PCCA: variants seen among roughly 807,000 people sequenced by gnomAD.
PCCA encodes the protein propionyl-CoA carboxylase subunit alpha.
Under a neutral mutation model 101.3 loss-of-function variants are expected in PCCA, and 74 were observed. The observed-to-expected ratio is 0.73, with a 90% CI of 0.61 to 0.89. The LOEUF (loss-of-function observed/expected upper bound fraction) is 0.89, where lower values mean the gene tolerates loss of function less well. Among genes scored for constraint, PCCA ranks in the 40% least tolerant of loss-of-function variants. The pLI, the probability that PCCA is intolerant of heterozygous loss-of-function variation, is 0.00. For missense variants in PCCA, 891 were observed against 907.0 expected, an observed-to-expected ratio of 0.98 and a Z score of 0.23; for synonymous variants, 294 against 313.6, an observed-to-expected ratio of 0.94 and a Z score of 0.66.
At position 100,089,308 on chromosome 13, in the gene PCCA, C is replaced by A. The variant is rs1005605209; in HGVS notation, c.105+83C>A. On this transcript the variant is annotated intron_variant, in intron 1 of 23. Transcript: ENST00000376285. Reference sequence around the variant, plus strand: ...CTCTGGGCGGCTGGCGCCGGGAGAGCGCTGGCTGGGTCCGGCTGCCCCCGC... The same window carrying A: ...CTCTGGGCGGCTGGCGCCGGGAGAGAGCTGGCTGGGTCCGGCTGCCCCCGC... 3.0e-6 allele frequency: 4 copies of A among 1,332,706 alleles called. No homozygotes were observed. The African/African-American group carries it at 4.6e-5, about 15-fold the overall frequency. 82.6% of individuals were successfully genotyped at this position (1,332,706 alleles called of 1,614,324 possible).
At chr13:100,127,017 G>A (rs1414184519) in intron 4 of PCCA, among the ~76,000 whole-genome samples, 1 of 152,162 alleles carries the variant, frequency 6.6e-6, no homozygotes, top group Non-Finnish European at 1.5e-5. Context: ...TGTGAGCTCA[G>A]CAGGTTAAAT....
At chr13:100,194,429 T>A (rs2057957152) in intron 6 of PCCA, among the ~76,000 whole-genome samples, 1 of 152,162 alleles carries the variant, frequency 6.6e-6, no homozygotes, top group Non-Finnish European at 1.5e-5. Context: ...TTATTATTAT[T>A]ATTTTTGAGA....
chr13:100,243,797 G>T lies in PCCA; in HGVS notation c.637+7919G>T, dbSNP rs2061289321. On this transcript the variant is annotated intron_variant, in intron 8 of 23. Transcript: ENST00000376285. ...CCCTGTCTCTGCGTAGTGTGTGGGG[G>T]CTATATGGTAGTCCTTTCTTTTCTG... Among the ~76,000 whole-genome samples the T allele has an allele frequency of 2.0e-5, 3 of 152,150 alleles. No homozygotes were observed. The South Asian group carries it at 6.2e-4, about 31-fold the overall frequency.
At chr13:100,164,853 C>G (rs534464788) in intron 6 of PCCA, among the ~76,000 whole-genome samples, 83 of 152,294 alleles carry the variant, frequency 5.4e-4, no homozygotes, top group African/African-American at 2.0e-3. Flanking sequence ...CATTTCCCAC[C>G]TACTCCTAGC....
chr13:100,206,547 A>T (rs867723318), intron 6 of PCCA, among the ~76,000 whole-genome samples: 1 of 152,136 alleles, frequency 6.6e-6, no homozygotes, highest in Non-Finnish European at 1.5e-5. Flanking sequence ...GGTGTGAGCC[A>T]CTGTGCCCGG....
intron 18 of PCCA, among the ~76,000 whole-genome samples, chr13:100,343,617 A>G (rs1194459352): frequency 1.3e-5 from 2 of 152,232 alleles, no homozygotes; most frequent in South Asian, 2.1e-4. Flanking sequence ...GGGTCTGGGT[A>G]TGGGAGCAAG....
At chr13:100,341,408 C>T (rs1317818400) in intron 18 of PCCA, among the ~76,000 whole-genome samples, 1 of 152,044 alleles carries the variant, frequency 6.6e-6, no homozygotes, top group Non-Finnish European at 1.5e-5. Flanking sequence ...TTGGTTGTTT[C>T]CCCCCCACAT....
intron 21 of PCCA, among the ~76,000 whole-genome samples, chr13:100,471,460 A>AT (rs1566397506): frequency 6.6e-6 from 1 of 152,244 alleles, no homozygotes; most frequent in African/African-American, 2.4e-5. Flanking sequence ...AATGGTGGCA[A>AT]TAGATAAAGG....
At chr13:100,499,721 C>A (rs1442625426) in intron 21 of PCCA, among the ~76,000 whole-genome samples, 1 of 152,238 alleles carries the variant, frequency 6.6e-6, no homozygotes, top group Admixed American at 6.5e-5. Context: ...AAAATAAGAC[C>A]TACGCCTCAG....
intron 21 of PCCA, among the ~76,000 whole-genome samples, chr13:100,454,845 G>T (rs934463360): frequency 2.0e-5 from 3 of 151,948 alleles, no homozygotes; most frequent in African/African-American, 7.2e-5. Context: ...AAAAAAGCTG[G>T]TTTGTGATTT....
intron 6 of PCCA, among the ~76,000 whole-genome samples, chr13:100,175,778 T>G (rs532747419): frequency 6.6e-6 from 1 of 152,226 alleles, no homozygotes; most frequent in Non-Finnish European, 1.5e-5. Flanking sequence ...TGATTAGCAA[T>G]GCATAAAGCA....
intron 19 of PCCA, among the ~76,000 whole-genome samples, chr13:100,388,035 TTTA>T (rs1364827937): frequency 6.6e-6 from 1 of 152,232 alleles, no homozygotes; most frequent in Non-Finnish European, 1.5e-5. Flanking sequence ...TCTGAAGAAT[TTTA>T]TTTAGAATAA....
At chr13:100,284,332 T>C (rs1285915593) in intron 12 of PCCA, among the ~76,000 whole-genome samples, 1 of 152,200 alleles carries the variant, frequency 6.6e-6, no homozygotes, top group African/African-American at 2.4e-5. Flanking sequence ...ACCCATTTGT[T>C]GTCCCCTACT....
At chr13:100,420,603 T>C (rs1275558214) in intron 19 of PCCA, among the ~76,000 whole-genome samples, 1 of 152,044 alleles carries the variant, frequency 6.6e-6, no homozygotes, top group Admixed American at 6.6e-5. Context: ...ATTAACCATC[T>C]AAATACATCT....
chr13:100,498,960 G>T (rs1462077830), intron 21 of PCCA, among the ~76,000 whole-genome samples: 2 of 152,172 alleles, frequency 1.3e-5, no homozygotes, highest in Non-Finnish European at 2.9e-5. Flanking sequence ...ACAAGGCATT[G>T]ATTTGGTTCT....
chr13:100,169,141 T>A (rs1160857947), intron 6 of PCCA, among the ~76,000 whole-genome samples: 1 of 152,084 alleles, frequency 6.6e-6, no homozygotes, highest in African/African-American at 2.4e-5. Context: ...TAAATTGTTT[T>A]AAAAATTTCC....
intron 16 of PCCA, among the ~76,000 whole-genome samples, chr13:100,327,385 G>A (rs2068812002): frequency 6.6e-6 from 1 of 152,050 alleles, no homozygotes; most frequent in Admixed American, 6.5e-5. Context: ...GTTTATCCTT[G>A]TTATTTAATG....
intron 6 of PCCA, among the ~76,000 whole-genome samples, chr13:100,186,290 G>T (rs912287439): frequency 1.3e-5 from 2 of 152,094 alleles, no homozygotes; most frequent in African/African-American, 4.8e-5. Context: ...TTGTGTATCT[G>T]TACAAATATA....
At chr13:100,224,127 C>T (rs908954260) in intron 7 of PCCA, among the ~76,000 whole-genome samples, 1 of 152,200 alleles carries the variant, frequency 6.6e-6, no homozygotes, top group Non-Finnish European at 1.5e-5. Flanking sequence ...AGGCTCTGGC[C>T]CCACAGGAGC....
Sources: allele counts gnomAD v4.1 joint callset (sites outside exome capture counted in the v4.1 genomes callset), GRCh38; gene constraint gnomAD v4.1.1; transcripts MANE v1.5; gene names NCBI Gene and HGNC (gene_info 2026-07-23, HGNC 2026-07-21).